Variants in CDH8 observed in about 807,000 individuals in gnomAD.
CDH8 encodes cadherin-8.
Under a neutral mutation model 68.1 loss-of-function variants are expected in CDH8, and 17 were observed. That is an observed-to-expected ratio of 0.25 (90% confidence interval 0.17 to 0.37). The LOEUF (loss-of-function observed/expected upper bound fraction) is 0.37. CDH8 is among the 10% of genes least tolerant of loss of function. The pLI is 1.00. For missense variants in CDH8, 763 were observed against 999.3 expected (o/e 0.76, Z 3.19); for synonymous variants, 372 against 365.1 (o/e 1.02, Z -0.21).
intron 2 of CDH8, among the ~76,000 whole-genome samples, chr16:61,963,951 A>C (rs2150573066): frequency 6.6e-6 from 1 of 152,354 alleles, no homozygotes; most frequent in South Asian, 2.1e-4. Flanking sequence ...CTCTCTAGAA[A>C]GTCCTTCAAG....
chr16:61,685,077 C>T (rs184937271), intron 10 of CDH8, among the ~76,000 whole-genome samples: 4 of 151,016 alleles, frequency 2.6e-5, no homozygotes, highest in Admixed American at 6.6e-5. Context: ...TTTGAACATT[C>T]AACATGGTTT....
At chr16:62,033,176 G>A (rs760049250) in intron 1 of CDH8, among the ~76,000 whole-genome samples, 6 of 152,008 alleles carry the variant, frequency 3.9e-5, no homozygotes, top group Non-Finnish European at 8.8e-5. Flanking sequence ...GAGCATTCCT[G>A]GGCTGTTTGT....
chr16:61,688,349 A>T (rs1436039597), intron 10 of CDH8, among the ~76,000 whole-genome samples: 1 of 151,978 alleles, frequency 6.6e-6, no homozygotes. Context: ...TTACCTATAG[A>T]TATAAGGACT....
At chr16:61,712,434 T>C (rs1212144399) in intron 10 of CDH8, among the ~76,000 whole-genome samples, 1 of 151,832 alleles carries the variant, frequency 6.6e-6, no homozygotes, top group Non-Finnish European at 1.5e-5. Flanking sequence ...TGGAGAATTT[T>C]AAATGCTGTG....
intron 2 of CDH8, among the ~76,000 whole-genome samples, chr16:61,986,786 T>C (rs749871756): frequency 3.3e-5 from 5 of 152,162 alleles, no homozygotes; most frequent in Admixed American, 6.5e-5. Context: ...TTCAAACACA[T>C]CTGAGTCCTT....
intron 2 of CDH8, among the ~76,000 whole-genome samples, chr16:61,992,075 T>A (rs559969233): frequency 8.6e-5 from 11 of 127,964 alleles, no homozygotes; most frequent in African/African-American, 2.0e-4. Context: ...TGTGTGTGTG[T>A]GTGAGAGAGA....
chr16:62,026,770 G>A (rs1323694481), intron 1 of CDH8, among the ~76,000 whole-genome samples: 2 of 152,194 alleles, frequency 1.3e-5, no homozygotes, highest in Non-Finnish European at 2.9e-5. Flanking sequence ...TAATTCGAGA[G>A]GGATGGGACT....
Position 61,848,082 on chromosome 16 carries a change from T to C in CDH8, c.667+9037A>G, listed in dbSNP as rs1336216859. Among the ~76,000 whole-genome samples the C allele has an allele frequency of 2.0e-5, 3 of 152,042 alleles. 1 individual carries two copies. The highest frequency in any genetic ancestry group is 7.2e-5 in the African/African-American group (3 of 41,434). On this transcript the variant is annotated intron_variant, in intron 4 of 11. Coordinates refer to ENST00000577390, the MANE Select transcript of CDH8 (RefSeq NM_001796.5). Reference sequence around the variant, plus strand: ...TTGAACTAGTCATATGAAACAGAGCTAGATTTCCAAGGTCAAAAATGACAT... The same window carrying C: ...TTGAACTAGTCATATGAAACAGAGCCAGATTTCCAAGGTCAAAAATGACAT...
In CDH8 at chr16:61,973,607, T is replaced by C. The variant is rs186438629; in HGVS notation, c.252+47545A>G. Among the ~76,000 whole-genome samples, 423 of 152,250 alleles carry C rather than the reference T, an allele frequency of 2.8e-3. 4 individuals carry two copies. The highest frequency in any genetic ancestry group is 9.4e-3 in the African/African-American group (390 of 41,550). On this transcript the variant is annotated intron_variant, in intron 2 of 11. Transcript: ENST00000577390. ...TTGTTCACAACACAGAGCCCATGGC[T>C]TAATAAAACCACATGCACAGTAATG...
chr16:61,814,818 C>A (rs1962036144), intron 7 of CDH8, among the ~76,000 whole-genome samples: 1 of 152,152 alleles, frequency 6.6e-6, no homozygotes. Flanking sequence ...ATTTAATTTT[C>A]TTCTGAAATT....
intron 7 of CDH8, among the ~76,000 whole-genome samples, chr16:61,800,650 C>T (rs577735015): frequency 6.6e-6 from 1 of 152,340 alleles, no homozygotes; most frequent in East Asian, 1.9e-4. Context: ...TTCAAAGGCA[C>T]TTCAGCTAGA....
intron 10 of CDH8, chr16:61,692,435 G>A (rs1158908313): frequency 2.6e-5 from 4 of 152,146 alleles, no homozygotes; most frequent in African/African-American, 9.7e-5. Context: ...AAAAGAGTAT[G>A]CATATACTTT....
At chr16:61,768,468 CCA>C (rs1049104015) in intron 8 of CDH8, among the ~76,000 whole-genome samples, 3 of 146,196 alleles carry the variant, frequency 2.1e-5, no homozygotes, top group Non-Finnish European at 4.5e-5. Flanking sequence ...ATGAATTTCC[CCA>C]GTTTCTATCT....
intron 2 of CDH8, among the ~76,000 whole-genome samples, chr16:61,990,896 A>G (rs2897832): frequency 0.13 from 18,871 of 150,168 alleles, 1,572 homozygotes; most frequent in Non-Finnish European, 0.18. Flanking sequence ...AAGGAAGGAG[A>G]AGGAAGGAAG....
intron 1 of CDH8, among the ~76,000 whole-genome samples, chr16:62,033,310 G>T (rs1902372408): frequency 6.6e-6 from 1 of 152,162 alleles, no homozygotes; most frequent in Non-Finnish European, 1.5e-5. Context: ...AAATAAAGTT[G>T]TTTTCCAGTG....
At chr16:61,890,373 A>G (rs1724951579) in intron 3 of CDH8, among the ~76,000 whole-genome samples, 1 of 112,390 alleles carries the variant, frequency 8.9e-6, no homozygotes, top group South Asian at 2.7e-4. Flanking sequence ...TGGCTTAAAG[A>G]CACTAGTTTA....
chr16:61,780,757 A>C (rs1009420639), intron 8 of CDH8, among the ~76,000 whole-genome samples: 1 of 152,214 alleles, frequency 6.6e-6, no homozygotes, highest in Non-Finnish European at 1.5e-5. Context: ...AGTCAAAACA[A>C]GTTTCTAAGC....
Position 61,903,951 on chromosome 16 carries a change from T to C in CDH8, c.253-2478A>G, listed in dbSNP as rs764635821. Among the ~76,000 whole-genome samples the C allele has an allele frequency of 1.2e-3, 141 of 121,698 alleles. 1 individual carries two copies. Among genetic ancestry groups the C allele is most frequent in the Non-Finnish European group, 4.0e-4 (24 of 60,448 alleles). The allele number at this position is 121,698 out of a possible 152,430, so 79.8% of individuals were successfully genotyped here. On this transcript the variant is annotated intron_variant, in intron 2 of 11. Transcript: ENST00000577390. ...AAACAGCTTTTAAATATACAGCACT[T>C]TTTAAAAAAAAAAAAATGAGGTATA...
At chr16:61,696,359 A>G (rs1450913677) in intron 10 of CDH8, among the ~76,000 whole-genome samples, 1 of 152,238 alleles carries the variant, frequency 6.6e-6, no homozygotes, top group East Asian at 1.9e-4. Flanking sequence ...ACCTAAAGCA[A>G]TAGTTTGTGT....
Sources: gnomAD v4.1 joint callset for allele counts (sites outside exome capture counted in the v4.1 genomes callset) on GRCh38, gnomAD v4.1.1 for gene constraint, MANE v1.5 for transcripts, NCBI Gene and HGNC (gene_info 2026-07-23, HGNC 2026-07-21) for gene names.